PHACTR1: variants seen among roughly 807,000 people sequenced by gnomAD.
The protein encoded by PHACTR1 is phosphatase and actin regulator 1.
Under a neutral mutation model 69.2 loss-of-function variants are expected in PHACTR1, and 16 were observed. That is an observed-to-expected ratio of 0.23 (90% CI 0.16 to 0.35). The LOEUF is 0.35. PHACTR1 is among the 10% of genes least tolerant of loss of function. PHACTR1 has a pLI of 1.00. For synonymous variants in PHACTR1, 312 were observed against 284.5 expected, an observed-to-expected ratio of 1.10 and a Z score of -0.97; for missense variants, 510 against 734.7, an observed-to-expected ratio of 0.69 and a Z score of 3.54.
intron 4 of PHACTR1, among the ~76,000 whole-genome samples, chr6:12,855,650 A>T (rs1156885131): frequency 6.6e-6 from 1 of 152,082 alleles, no homozygotes; most frequent in Non-Finnish European, 1.5e-5. Flanking sequence ...AGAAGAAGGG[A>T]GGGAGGAAGG....
At chr6:12,809,032 C>G (rs1581850676) in intron 4 of PHACTR1, among the ~76,000 whole-genome samples, 1 of 151,946 alleles carries the variant, frequency 6.6e-6, no homozygotes, top group East Asian at 1.9e-4. Context: ...CATGTGCCAC[C>G]ACTCCCAGCT....
intron 4 of PHACTR1, among the ~76,000 whole-genome samples, chr6:12,921,522 G>A (rs1424560541): frequency 3.2e-5 from 4 of 125,090 alleles, no homozygotes; most frequent in African/African-American, 1.4e-4. Context: ...GAAGGAAGGG[G>A]AGGGAGGGAG....
intron 6 of PHACTR1, among the ~76,000 whole-genome samples, chr6:13,178,541 G>A (rs907834118): frequency 1.3e-5 from 2 of 152,212 alleles, no homozygotes; most frequent in African/African-American, 2.4e-5. Flanking sequence ...GAAGCTCTGG[G>A]GGTGAAGCCC....
intron 4 of PHACTR1, among the ~76,000 whole-genome samples, chr6:12,958,666 G>A (rs1792221931): frequency 6.6e-6 from 1 of 152,196 alleles, no homozygotes; most frequent in Admixed American, 6.5e-5. Flanking sequence ...CAAGATGTTA[G>A]TTTGAAAGAG....
intron 3 of PHACTR1, among the ~76,000 whole-genome samples, chr6:12,736,043 C>T (rs1410561092): frequency 1.3e-5 from 2 of 152,178 alleles, no homozygotes; most frequent in African/African-American, 4.8e-5. Context: ...GCAGCGAGAA[C>T]TGAGATGTAC....
intron 8 of PHACTR1, among the ~76,000 whole-genome samples, chr6:13,213,731 C>T (rs772935178): frequency 2.0e-4 from 30 of 152,222 alleles, no homozygotes; most frequent in Non-Finnish European, 2.8e-4. Flanking sequence ...ACCATGTGAG[C>T]GTGCCGCGTT....
At chr6:12,718,887 T>C in intron 3 of PHACTR1, 40 bp downstream of exon 3, 2 of 1,341,156 alleles carry the variant, frequency 1.5e-6, no homozygotes, top group African/African-American at 1.5e-5. Flanking sequence ...TATTTGCACG[T>C]CGGTTTTATA....
intron 4 of PHACTR1, among the ~76,000 whole-genome samples, chr6:12,958,390 G>A (rs571288738): frequency 5.7e-4 from 87 of 152,292 alleles, no homozygotes; most frequent in African/African-American, 1.9e-3. Context: ...AGACAGGAAA[G>A]GAAAAATTGA....
chr6:12,927,186 G>A (rs1788362501), intron 4 of PHACTR1, among the ~76,000 whole-genome samples: 1 of 152,206 alleles, frequency 6.6e-6, no homozygotes, highest in Admixed American at 6.5e-5. Context: ...CAGGCGAGTG[G>A]CAGAAGGGAG....
chr6:13,096,669 A>G (rs563944240), intron 5 of PHACTR1, among the ~76,000 whole-genome samples: 7 of 152,206 alleles, frequency 4.6e-5, no homozygotes, highest in Admixed American at 1.3e-4. Context: ...AGAAACTCCA[A>G]TGGTCTTAGT....
chr6:12,933,913 C>T (rs1472712882), intron 4 of PHACTR1: 1 of 1,610,454 alleles, frequency 6.2e-7, no homozygotes, highest in East Asian at 2.2e-5. Context: ...ACTCTTTGGT[C>T]CATATGGGAA....
intron 4 of PHACTR1, among the ~76,000 whole-genome samples, chr6:12,943,340 C>T (rs1790250335): frequency 6.6e-6 from 1 of 152,066 alleles, no homozygotes; most frequent in Non-Finnish European, 1.5e-5. Flanking sequence ...TTGGTTTTAC[C>T]AGGGGGCTAA....
At chr6:13,061,314 A>G (rs924285674) in intron 5 of PHACTR1, among the ~76,000 whole-genome samples, 3 of 152,144 alleles carry the variant, frequency 2.0e-5, no homozygotes, top group Non-Finnish European at 4.4e-5. Context: ...TGGGACTTGG[A>G]TGTATCTTTT....
chr6:12,949,316 A>C (rs965202890), intron 4 of PHACTR1, among the ~76,000 whole-genome samples: 3 of 152,038 alleles, frequency 2.0e-5, no homozygotes, highest in Admixed American at 2.0e-4. Context: ...AAAAAGAAAA[A>C]TGGTCCACAT....
intron 4 of PHACTR1, among the ~76,000 whole-genome samples, chr6:13,029,453 G>A (rs1802149340): frequency 1.3e-5 from 2 of 152,330 alleles, no homozygotes; most frequent in South Asian, 2.1e-4. Flanking sequence ...TACAGGTGTG[G>A]AGGAGTGGGG....
intron 10 of PHACTR1, among the ~76,000 whole-genome samples, chr6:13,251,860 G>A (rs1774461481): frequency 6.6e-6 from 1 of 152,002 alleles, no homozygotes; most frequent in Admixed American, 6.6e-5. Context: ...TTCAAGACCA[G>A]CCTGAGCAAC....
At chr6:13,252,463 G>A (rs1427073741) in intron 10 of PHACTR1, among the ~76,000 whole-genome samples, 1 of 151,932 alleles carries the variant, frequency 6.6e-6, no homozygotes, top group East Asian at 1.9e-4. Flanking sequence ...CATATAAATA[G>A]ATCCTTTCCT....
intron 5 of PHACTR1, among the ~76,000 whole-genome samples, chr6:13,084,754 A>T (rs908051204): frequency 3.9e-5 from 6 of 152,096 alleles, no homozygotes; most frequent in Non-Finnish European, 8.8e-5. Flanking sequence ...GAATAATGAC[A>T]TTCTAAGCTC....
intron 5 of PHACTR1, among the ~76,000 whole-genome samples, chr6:13,093,918 C>T (rs571418743): frequency 6.6e-6 from 1 of 152,268 alleles, no homozygotes; most frequent in Admixed American, 6.5e-5. Flanking sequence ...GTCACCCGGG[C>T]TGGGGTGCAG....
Sources: allele counts gnomAD v4.1 joint callset (sites outside exome capture counted in the v4.1 genomes callset), GRCh38; gene constraint gnomAD v4.1.1; transcripts MANE v1.5; gene names NCBI Gene and HGNC (gene_info 2026-07-23, HGNC 2026-07-21).